ANGPT1: variants seen among roughly 807,000 people sequenced by gnomAD.
ANGPT1 encodes angiopoietin 1.
Under a neutral mutation model 62.2 loss-of-function variants are expected in ANGPT1, and 17 were observed. That is an observed-to-expected ratio of 0.27 (90% CI 0.19 to 0.41). ANGPT1 has a LOEUF of 0.41. ANGPT1 is among the 10% of genes least tolerant of loss of function. The pLI, the probability that ANGPT1 is intolerant of heterozygous loss-of-function variation, is 1.00. For missense variants in ANGPT1, 478 were observed against 594.9 expected (o/e 0.80, Z 2.04); for synonymous variants, 199 against 198.9 (o/e 1.00, Z 0.00).
intron 3 of ANGPT1, 63 bp from the exon 4 acceptor site, chr8:107,322,191 T>C (rs1815170459): frequency 1.7e-6 from 2 of 1,156,682 alleles, no homozygotes; most frequent in Non-Finnish European, 2.4e-6. Context: ...ACCCTTATAA[T>C]TCAATTGGTT....
At position 107,311,697 on chromosome 8, in the gene ANGPT1, A is replaced by C. The variant is rs575100968; in HGVS notation, c.809-8330T>G. ...CCATGTTCAAATAAATTTTGCAATT[A>C]TCTTCCAATGTGAAACGAATCTCAT... On this transcript the variant is annotated intron_variant, in intron 4 of 8. Coordinates refer to ENST00000517746, the MANE Select transcript of ANGPT1 (RefSeq NM_001146.5). Among the ~76,000 whole-genome samples the C allele has an allele frequency of 3.9e-5, 6 of 152,372 alleles. 1 individual carries two copies. The highest frequency in any genetic ancestry group is 6.8e-3 in the Middle Eastern group (2 of 294).
rs1622241 is a variant in ANGPT1, at chr8:107,457,860, A to G, written c.297+39402T>C. On this transcript the variant is annotated intron_variant, in intron 1 of 8. Transcript: ENST00000517746. ...CACACACACACACACACACACACAC[A>G]CACACACCAAGAGGGGAAAAAAATA... is the stretch of plus-strand genomic sequence containing the variant. Among the ~76,000 whole-genome samples the G allele has an allele frequency of 7.7e-3, 1,095 of 142,416 alleles. 7 individuals are homozygous for G. Among genetic ancestry groups the G allele is most frequent in the African/African-American group, 0.016 (571 of 35,002 alleles). The allele number at this position is 142,416 out of a possible 152,430, so 93.4% of individuals were successfully genotyped here.
chr8:107,435,310 C>G (rs1172218308), intron 1 of ANGPT1, among the ~76,000 whole-genome samples: 2 of 152,172 alleles, frequency 1.3e-5, no homozygotes, highest in Non-Finnish European at 2.9e-5. Flanking sequence ...GTGTGAAGGA[C>G]TTTAAATCTG....
At chr8:107,471,964 A>G (rs577282439) in intron 1 of ANGPT1, among the ~76,000 whole-genome samples, 19 of 152,104 alleles carry the variant, frequency 1.2e-4, no homozygotes, top group African/African-American at 4.3e-4. Context: ...TTGGTCCATA[A>G]TCCCATCCAG....
intron 1 of ANGPT1, among the ~76,000 whole-genome samples, chr8:107,348,487 A>T (rs550264163): frequency 6.6e-6 from 1 of 152,156 alleles, no homozygotes; most frequent in Non-Finnish European, 1.5e-5. Flanking sequence ...TTCTTGGCCA[A>T]TATAAGATAA....
intron 1 of ANGPT1, among the ~76,000 whole-genome samples, chr8:107,380,943 G>A (rs1253285737): frequency 1.3e-5 from 2 of 152,208 alleles, no homozygotes; most frequent in African/African-American, 4.8e-5. Context: ...GTAAAAGCAA[G>A]GTCATCTCTG....
At chr8:107,257,120 A>G (rs567813864) in intron 8 of ANGPT1, among the ~76,000 whole-genome samples, 23 of 152,286 alleles carry the variant, frequency 1.5e-4, no homozygotes, top group African/African-American at 5.3e-4. Context: ...TCGGCCTCCC[A>G]AAGTGCTGAG....
chr8:107,433,589 A>G (rs1811252513), intron 1 of ANGPT1, among the ~76,000 whole-genome samples: 1 of 152,250 alleles, frequency 6.6e-6, no homozygotes, highest in South Asian at 2.1e-4. Context: ...GGATTGAAAT[A>G]TCATCTTTCA....
In ANGPT1 at chr8:107,251,677, T is replaced by C. The variant is rs1300791778; in HGVS notation, c.*178A>G. ...GCACTGTCACCCCAAGTAGAGACTC[T>C]TGTGAACTCAAACGGCTCCAGATTC... On this transcript the variant is annotated 3_prime_UTR_variant, in exon 9 of 9. Coordinates refer to ENST00000517746, the MANE Select transcript of ANGPT1 (RefSeq NM_001146.5). The C allele has an allele frequency of 1.4e-6, 1 of 730,450 alleles. No individual in the cohort carries two copies. Among genetic ancestry groups the C allele is most frequent in the East Asian group, 2.8e-5 (1 of 36,068 alleles). The allele number at this position is 730,450 out of a possible 1,614,324, so 45.2% of individuals were successfully genotyped here. A position where few individuals can be genotyped will look rare whatever the true frequency, so the allele number is the denominator to read the frequency against.
intron 7 of ANGPT1, among the ~76,000 whole-genome samples, chr8:107,271,575 G>T (rs1252776833): frequency 6.6e-6 from 1 of 151,924 alleles, no homozygotes; most frequent in Non-Finnish European, 1.5e-5. Flanking sequence ...AGAAATTAAA[G>T]ATGAAAAGGA....
At chr8:107,402,458 T>C (rs1817065364) in intron 1 of ANGPT1, among the ~76,000 whole-genome samples, 1 of 152,230 alleles carries the variant, frequency 6.6e-6, no homozygotes, top group African/African-American at 2.4e-5. Context: ...ATTTAGCAAC[T>C]AATACATATC....
chr8:107,409,901 T>G (rs575285020), intron 1 of ANGPT1, among the ~76,000 whole-genome samples: 11 of 152,144 alleles, frequency 7.2e-5, no homozygotes, highest in Admixed American at 7.2e-4. Flanking sequence ...CCTGTGCATT[T>G]TGTATAATAC....
At chr8:107,391,940 A>G (rs1011811664) in intron 1 of ANGPT1, among the ~76,000 whole-genome samples, 1 of 152,198 alleles carries the variant, frequency 6.6e-6, no homozygotes, top group African/African-American at 2.4e-5. Context: ...TTTCACCTCT[A>G]TTATAATCTT....
chr8:107,431,212 T>C (rs986989669), intron 1 of ANGPT1, among the ~76,000 whole-genome samples: 1 of 152,206 alleles, frequency 6.6e-6, no homozygotes, highest in African/African-American at 2.4e-5. Context: ...TATAGTATAT[T>C]GGTCAGTGAT....
chr8:107,286,035 A>T (rs1814132296), intron 6 of ANGPT1, among the ~76,000 whole-genome samples: 1 of 152,166 alleles, frequency 6.6e-6, no homozygotes, highest in Non-Finnish European at 1.5e-5. Flanking sequence ...AAAACAAAAT[A>T]TTACAGCATT....
intron 1 of ANGPT1, among the ~76,000 whole-genome samples, chr8:107,479,980 G>C (rs1586358211): frequency 2.0e-5 from 3 of 152,088 alleles, no homozygotes; most frequent in African/African-American, 4.8e-5. Flanking sequence ...TTTGAGAATA[G>C]ACAGAGGCAA....
In ANGPT1 at chr8:107,324,160, T is replaced by C. The variant is rs79169900; in HGVS notation, c.576-2032A>G. ...TTGCCCCCCAGCCAAAAAAAAAAAA[T>C]ATGTATATATATATATGTGTGTGTG... On this transcript the variant is annotated intron_variant, in intron 3 of 8. Coordinates refer to ENST00000517746, the MANE Select transcript of ANGPT1 (RefSeq NM_001146.5). 6.1e-3 allele frequency among the ~76,000 whole-genome samples: 879 copies of C among 143,904 alleles called. 15 individuals carry two copies. The highest frequency in any genetic ancestry group is 0.023 in the African/African-American group (828 of 35,942). The allele number at this position is 143,904 out of a possible 152,430, so 94.4% of individuals were successfully genotyped here.
intron 7 of ANGPT1, among the ~76,000 whole-genome samples, chr8:107,277,581 T>C (rs1434648033): frequency 1.3e-5 from 2 of 152,268 alleles, no homozygotes; most frequent in East Asian, 1.9e-4. Flanking sequence ...TTGGAGAGAA[T>C]AGGTATTCCA....
intron 1 of ANGPT1, among the ~76,000 whole-genome samples, chr8:107,444,153 T>C (rs995201340): frequency 6.6e-6 from 1 of 152,204 alleles, no homozygotes; most frequent in African/African-American, 2.4e-5. Flanking sequence ...CTGGCACCAG[T>C]GCTTAATGCC....
Sources: gnomAD v4.1 joint callset for allele counts (sites outside exome capture counted in the v4.1 genomes callset) on GRCh38, gnomAD v4.1.1 for gene constraint, MANE v1.5 for transcripts, NCBI Gene and HGNC (gene_info 2026-07-23, HGNC 2026-07-21) for gene names.